The following ATP10B variants were observed in gnomAD, a reference collection of about 807,000 sequenced individuals.
ATP10B encodes ATPase phospholipid transporting 10B (putative).
ATP10B carries 122 observed loss-of-function variants against 141.2 expected under a neutral mutation model. That is an observed-to-expected ratio of 0.86 (90% CI 0.75 to 1.00). The LOEUF (loss-of-function observed/expected upper bound fraction) is 1.00. ATP10B is among the 50% of genes least tolerant of loss of function. The probability of loss-of-function intolerance (pLI) is 0.00; values close to 1 mark genes in which losing one functional copy is unlikely to be tolerated. For synonymous variants in ATP10B, 685 were observed against 692.0 expected, an observed-to-expected ratio of 0.99 and a Z score of 0.16; for missense variants, 1,876 against 1,825.3, an observed-to-expected ratio of 1.03 and a Z score of -0.51.
At chr5:160,813,293 C>A (rs541228581) in intron 1 of ATP10B, among the ~76,000 whole-genome samples, 2 of 152,242 alleles carry the variant, frequency 1.3e-5, no homozygotes, top group East Asian at 1.9e-4. Context: ...CCTAATACTG[C>A]GCTTTTCCAA....
intron 7 of ATP10B, among the ~76,000 whole-genome samples, chr5:160,662,327 C>T (rs1411263084): frequency 2.1e-4 from 32 of 152,194 alleles, no homozygotes; most frequent in East Asian, 1.2e-3. Context: ...AAAAAGAGCC[C>T]GCATTGCCAA....
chr5:160,576,421 T>C (rs1274385558), intron 24 of ATP10B, among the ~76,000 whole-genome samples: 3 of 152,238 alleles, frequency 2.0e-5, no homozygotes, highest in Non-Finnish European at 4.4e-5. Context: ...GAAGCAGTTA[T>C]CTTTGAGTCT....
chr5:160,590,953 T>A lies in ATP10B; in HGVS notation c.3645+106A>T, dbSNP rs1756246807. ...AACCTGCAGGCTACCTGTTTGAGCC[T>A]CTGCTCTAAAGTGTCCAGAAGGACA... is the stretch of plus-strand genomic sequence containing the variant. On this transcript the variant is annotated intron_variant, in intron 23 of 25. Transcript: ENST00000327245. 3.3e-6 allele frequency: 3 copies of A among 911,280 alleles called. No homozygotes were observed. In the African/African-American group the frequency reaches 5.0e-5, roughly 15 times the overall value. The allele number at this position is 911,280 out of a possible 1,614,324, so 56.4% of individuals were successfully genotyped here.
At chr5:160,829,743 A>G (rs1413135832) in intron 1 of ATP10B, among the ~76,000 whole-genome samples, 2 of 151,584 alleles carry the variant, frequency 1.3e-5, no homozygotes, top group East Asian at 1.9e-4. Flanking sequence ...ATATTCTTCG[A>G]CTCTTAGCCT....
the ATP10B span, among the ~76,000 whole-genome samples, chr5:160,907,286 A>ATT: frequency 0.046 from 6,945 of 150,318 alleles, 307 homozygotes; most frequent in East Asian, 0.23. Flanking sequence ...ACCCTAGTTG[A>ATT]TTTTTTTTCT....
intron 24 of ATP10B, among the ~76,000 whole-genome samples, chr5:160,588,067 C>A (rs1435651873): frequency 1.3e-5 from 2 of 152,138 alleles, no homozygotes; most frequent in Admixed American, 6.5e-5. Flanking sequence ...CCAGGCTGGT[C>A]TTGAACTTCT....
chr5:160,861,230 T>G, the ATP10B span, among the ~76,000 whole-genome samples: 5 of 151,920 alleles, frequency 3.3e-5, no homozygotes, highest in Admixed American at 1.3e-4. Context: ...GGTGGCTGAA[T>G]AGTAAGGAAG....
chr5:160,671,442 G>A (rs1027903829), intron 6 of ATP10B, among the ~76,000 whole-genome samples: 2 of 152,118 alleles, frequency 1.3e-5, no homozygotes, highest in East Asian at 3.9e-4. Flanking sequence ...TGATTATAAG[G>A]AGAGTGACGA....
At chr5:160,662,283 T>C (rs1452206905) in intron 7 of ATP10B, among the ~76,000 whole-genome samples, 2 of 152,114 alleles carry the variant, frequency 1.3e-5, no homozygotes, top group African/African-American at 4.8e-5. Flanking sequence ...TTCACAGAAT[T>C]GGAAAAAACT....
the ATP10B span, among the ~76,000 whole-genome samples, chr5:160,865,922 G>T: frequency 1.3e-5 from 2 of 152,110 alleles, no homozygotes; most frequent in Non-Finnish European, 2.9e-5. Context: ...AATAGATGTT[G>T]GTGTGGATGT....
chr5:160,640,649 C>G, intron 9 of ATP10B, 57 bp from the exon 10 acceptor site: 1 of 1,588,144 alleles, frequency 6.3e-7, no homozygotes, highest in Admixed American at 1.7e-5. Flanking sequence ...ATGTCTTACA[C>G]CATTCCCTCA....
chr5:160,728,362 A>T lies in ATP10B; in HGVS notation c.-330-11328T>A, dbSNP rs184328438. On this transcript the variant is annotated intron_variant, in intron 2 of 25. Coordinates refer to ENST00000327245, the MANE Select transcript of ATP10B (RefSeq NM_025153.3). ...GCTTAACAAACCTCTATTGATTGAGATCTTTGCTTTAGTCACTTATTTCAA... is the reference window on the plus strand; with the variant it reads ...GCTTAACAAACCTCTATTGATTGAGTTCTTTGCTTTAGTCACTTATTTCAA... Among the ~76,000 whole-genome samples the T allele has an allele frequency of 2.8e-4, 43 of 152,258 alleles. No individual in the cohort carries two copies. In the East Asian group the frequency reaches 8.3e-3, roughly 29 times the overall value.
At chr5:160,839,284 AG>A (rs1286673787) in intron 1 of ATP10B, among the ~76,000 whole-genome samples, 2 of 152,308 alleles carry the variant, frequency 1.3e-5, no homozygotes, top group East Asian at 3.9e-4. Flanking sequence ...GAATATATTT[AG>A]GATGACGAAG....
At chr5:160,919,223 C>CAAAAAAAAAAAA in the ATP10B span, among the ~76,000 whole-genome samples, 1,622 of 26,838 alleles carry the variant, frequency 0.06, 229 homozygotes, top group Non-Finnish European at 0.069. Context: ...AACTCCGTCT[C>CAAAAAAAAAAAA]AAAAAAAAAA....
chr5:160,707,732 A>G (rs1765100501), intron 3 of ATP10B, among the ~76,000 whole-genome samples: 1 of 152,184 alleles, frequency 6.6e-6, no homozygotes, highest in Admixed American at 6.5e-5. Context: ...CTATGACAAG[A>G]CCACAAACCC....
upstream of ATP10B, among the ~76,000 whole-genome samples, chr5:160,856,107 A>T (rs1053924792): frequency 1.3e-5 from 2 of 151,804 alleles, no homozygotes; most frequent in Admixed American, 1.3e-4. Flanking sequence ...CTGTACCTAG[A>T]AAAAACTTTT....
chr5:160,873,410 A>G, the ATP10B span, among the ~76,000 whole-genome samples: 2 of 152,216 alleles, frequency 1.3e-5, no homozygotes, highest in African/African-American at 4.8e-5. Context: ...TAAAGACAAC[A>G]TAATAAAAGG....
At chr5:160,675,704 C>A (rs1762984090) in intron 6 of ATP10B, among the ~76,000 whole-genome samples, 1 of 152,114 alleles carries the variant, frequency 6.6e-6, no homozygotes, top group African/African-American at 2.4e-5. Context: ...AGAGGAATGC[C>A]CGACAGAGTG....
chr5:160,822,921 T>C (rs1338474922), intron 1 of ATP10B, among the ~76,000 whole-genome samples: 2 of 140,732 alleles, frequency 1.4e-5, no homozygotes, highest in Non-Finnish European at 3.1e-5. Flanking sequence ...GTACAAAAAA[T>C]AGAAATAATG....
Sources: gnomAD v4.1 joint callset for allele counts (sites outside exome capture counted in the v4.1 genomes callset) on GRCh38, gnomAD v4.1.1 for gene constraint, MANE v1.5 for transcripts, NCBI Gene and HGNC (gene_info 2026-07-23, HGNC 2026-07-21) for gene names.